Variants in ARHGAP6 observed in about 807,000 individuals in gnomAD.
ARHGAP6 encodes rho GTPase-activating protein 6.
In ARHGAP6, 16 loss-of-function variants were observed where a neutral mutation model predicts 55.7. The observed-to-expected ratio is 0.29, with a 90% CI of 0.19 to 0.44. The LOEUF is 0.44. Among genes scored for constraint, ARHGAP6 ranks in the 20% least tolerant of loss-of-function variants. ARHGAP6 has a pLI of 1.00. For synonymous variants in ARHGAP6, 382 were observed against 360.9 expected, an observed-to-expected ratio of 1.06 and a Z score of -0.66; for missense variants, 698 against 808.9, an observed-to-expected ratio of 0.86 and a Z score of 1.66.
At chrX:11,174,757 G>A (rs2046184384) in intron 8 of ARHGAP6, among the ~76,000 whole-genome samples, 1 of 103,469 alleles carries the variant, frequency 9.7e-6, no homozygotes, top group Admixed American at 1.1e-4. Context: ...GCGTGATCTC[G>A]GAGCACTGCA....
intron 1 of ARHGAP6, among the ~76,000 whole-genome samples, chrX:11,555,231 T>C (rs2051308781): frequency 8.9e-6 from 1 of 112,261 alleles, no homozygotes; most frequent in Non-Finnish European, 1.9e-5. Context: ...TCTAGGGAAA[T>C]GCCTATGATG....
intron 1 of ARHGAP6, among the ~76,000 whole-genome samples, chrX:11,543,656 T>C: frequency 8.9e-6 from 1 of 112,207 alleles, no homozygotes; most frequent in Non-Finnish European, 1.9e-5. Flanking sequence ...TCTTGGTTGC[T>C]TTCATGAGGA....
intron 1 of ARHGAP6, among the ~76,000 whole-genome samples, chrX:11,402,674 A>G (rs2049563793): frequency 8.9e-6 from 1 of 112,024 alleles, no homozygotes; most frequent in Non-Finnish European, 1.9e-5. Context: ...CCAAATCTAT[A>G]TGTTTCACAT....
chrX:11,296,871 A>G, intron 1 of ARHGAP6: 2 of 1,170,767 alleles, frequency 1.7e-6, no homozygotes, highest in African/African-American at 1.8e-5. Flanking sequence ...TGCGTTAACA[A>G]TGCCCTGGGC....
intron 1 of ARHGAP6, among the ~76,000 whole-genome samples, chrX:11,614,555 A>G (rs976364531): frequency 8.9e-6 from 1 of 111,774 alleles, no homozygotes; most frequent in Non-Finnish European, 1.9e-5. Context: ...CCATGATCCA[A>G]TCGCTTTCCA....
intron 1 of ARHGAP6, among the ~76,000 whole-genome samples, chrX:11,517,747 C>A (rs1017664477): frequency 9.0e-6 from 1 of 110,963 alleles, no homozygotes; most frequent in Non-Finnish European, 1.9e-5. Flanking sequence ...TATGTTCTCA[C>A]TTATAAGTAG....
At chrX:11,393,971 T>C (rs754011847) in intron 1 of ARHGAP6, among the ~76,000 whole-genome samples, 7 of 111,726 alleles carry the variant, frequency 6.3e-5, no homozygotes, top group Non-Finnish European at 1.3e-4. Context: ...TTAAGTTCAC[T>C]TACACCCTCA....
intron 1 of ARHGAP6, among the ~76,000 whole-genome samples, chrX:11,310,210 T>A (rs201455018): frequency 3.4e-5 from 3 of 89,130 alleles, no homozygotes; most frequent in African/African-American, 8.5e-5. Flanking sequence ...AGGATAGCTT[T>A]AAAAAAAAAA....
intron 1 of ARHGAP6, among the ~76,000 whole-genome samples, chrX:11,520,871 G>T (rs1419985760): frequency 2.7e-5 from 3 of 111,935 alleles, no homozygotes; most frequent in African/African-American, 6.5e-5. Context: ...GTGTGAGATG[G>T]TATCTCATTG....
At chrX:11,605,934 G>A (rs917102284) in intron 1 of ARHGAP6, among the ~76,000 whole-genome samples, 1 of 110,607 alleles carries the variant, frequency 9.0e-6, no homozygotes, top group African/African-American at 3.3e-5. Context: ...CCATCCCGGG[G>A]AGAAAAGAAT....
intron 1 of ARHGAP6, among the ~76,000 whole-genome samples, chrX:11,433,426 T>G (rs1437164515): frequency 8.9e-6 from 1 of 112,072 alleles, no homozygotes; most frequent in Non-Finnish European, 1.9e-5. Flanking sequence ...AGGGAGGGTA[T>G]CCTTAAAAAG....
intron 1 of ARHGAP6, among the ~76,000 whole-genome samples, chrX:11,470,098 A>T (rs2050333387): frequency 8.9e-6 from 1 of 112,182 alleles, no homozygotes; most frequent in South Asian, 3.8e-4. Context: ...TAGCACAGTT[A>T]ACCAAATACT....
chrX:11,480,547 C>A (rs751053380), intron 1 of ARHGAP6, among the ~76,000 whole-genome samples: 2 of 111,831 alleles, frequency 1.8e-5, no homozygotes, highest in African/African-American at 6.5e-5. Flanking sequence ...TGGTTGTACA[C>A]CTCTGTAAAT....
intron 1 of ARHGAP6, among the ~76,000 whole-genome samples, chrX:11,537,202 C>T (rs1042889559): frequency 4.2e-4 from 47 of 112,312 alleles, no homozygotes; most frequent in African/African-American, 1.5e-3. Flanking sequence ...CGTCCTGTCG[C>T]GACAACAGAT....
chrX:11,594,946 T>C (rs932317590), intron 1 of ARHGAP6, among the ~76,000 whole-genome samples: 1 of 112,220 alleles, frequency 8.9e-6, no homozygotes, highest in African/African-American at 3.2e-5. Flanking sequence ...CCTGAGATGA[T>C]GCAGTCTTCT....
intron 3 of ARHGAP6, among the ~76,000 whole-genome samples, chrX:11,193,782 G>A (rs771455990): frequency 8.9e-6 from 1 of 112,305 alleles, no homozygotes; most frequent in South Asian, 3.7e-4. Flanking sequence ...TGTATTGTTC[G>A]ATTACTTCCC....
intron 1 of ARHGAP6, among the ~76,000 whole-genome samples, chrX:11,322,707 C>T (rs2048449276): frequency 8.9e-6 from 1 of 112,203 alleles, no homozygotes; most frequent in African/African-American, 3.2e-5. Flanking sequence ...TCATACAGAA[C>T]TCATTCTGTG....
At position 11,137,813 on chromosome X, in the gene ARHGAP6, G is replaced by A. The variant is rs2045568062; in HGVS notation, c.*1050C>T. On this transcript the variant is annotated 3_prime_UTR_variant, in exon 13 of 13. Transcript: ENST00000337414. ...CATTTTACAATACACATAAAATTAC[G>A]AAAGAAAACATTTCCTCAGCCTTTG... 8.9e-6 allele frequency: 1 copy of A among 111,919 alleles called. No individual in the cohort carries two copies. Among genetic ancestry groups the A allele is most frequent in the Non-Finnish European group, 1.9e-5 (1 of 53,141 alleles). The allele number at this position is 111,919 out of a possible 1,213,427, so 9.2% of individuals were successfully genotyped here.
At chrX:11,442,052 G>A (rs1022914458) in intron 1 of ARHGAP6, among the ~76,000 whole-genome samples, 19 of 111,655 alleles carry the variant, frequency 1.7e-4, no homozygotes, top group Non-Finnish European at 3.2e-4. Flanking sequence ...TACATCTTAT[G>A]TATATAACTA....
Sources: gnomAD v4.1 joint callset for allele counts (sites outside exome capture counted in the v4.1 genomes callset) on GRCh38, gnomAD v4.1.1 for gene constraint, MANE v1.5 for transcripts, NCBI Gene and HGNC (gene_info 2026-07-23, HGNC 2026-07-21) for gene names.